ST8SIA1: variants seen among roughly 807,000 people sequenced by gnomAD.
The protein encoded by ST8SIA1 is alpha-N-acetylneuraminide alpha-2,8-sialyltransferase.
In ST8SIA1, 16 loss-of-function variants were observed where a neutral mutation model predicts 35.9. The ratio of observed to expected loss-of-function variants is 0.45; its 90% CI spans 0.30 to 0.68. The LOEUF is 0.68. ST8SIA1 is among the 30% of genes least tolerant of loss of function. ST8SIA1 has a pLI of 0.09. For synonymous variants in ST8SIA1, 170 were observed against 169.6 expected (o/e 1.00, Z -0.02); for missense variants, 383 against 453.6 (o/e 0.84, Z 1.41).
At chr12:22,258,337 A>G (rs1217419244) in intron 2 of ST8SIA1, among the ~76,000 whole-genome samples, 2 of 152,160 alleles carry the variant, frequency 1.3e-5, no homozygotes, top group Non-Finnish European at 2.9e-5. Context: ...GGAAGTGAAT[A>G]CATGACTATG....
At chr12:22,234,126 G>A (rs970170171) in intron 4 of ST8SIA1, among the ~76,000 whole-genome samples, 1 of 151,922 alleles carries the variant, frequency 6.6e-6, no homozygotes, top group African/African-American at 2.4e-5. Context: ...TGGGCGTGGT[G>A]GTGGGTGCCT....
intron 2 of ST8SIA1, among the ~76,000 whole-genome samples, chr12:22,283,246 T>C (rs1029389003): frequency 6.6e-6 from 1 of 152,184 alleles, no homozygotes; most frequent in African/African-American, 2.4e-5. Context: ...TGTAAGAGAA[T>C]GGACAGCCAA....
At chr12:22,254,001 T>C (rs989800644) in intron 3 of ST8SIA1, among the ~76,000 whole-genome samples, 1 of 152,160 alleles carries the variant, frequency 6.6e-6, no homozygotes, top group African/African-American at 2.4e-5. Flanking sequence ...GGCTACCTTT[T>C]TTCCACTCCT....
At chr12:22,323,626 C>A (rs1233689176) in intron 1 of ST8SIA1, among the ~76,000 whole-genome samples, 1 of 152,138 alleles carries the variant, frequency 6.6e-6, no homozygotes, top group African/African-American at 2.4e-5. Flanking sequence ...CAATGACAGA[C>A]TGGATAAAGA....
intron 1 of ST8SIA1, among the ~76,000 whole-genome samples, chr12:22,303,887 C>CA (rs1491346518): frequency 6.7e-6 from 1 of 149,934 alleles, no homozygotes. Flanking sequence ...CACACACACA[C>CA]AAAAGTGGTG....
At chr12:22,235,680 C>G (rs1477413975) in intron 4 of ST8SIA1, among the ~76,000 whole-genome samples, 3 of 152,174 alleles carry the variant, frequency 2.0e-5, no homozygotes, top group Non-Finnish European at 4.4e-5. Context: ...GCACAAATGC[C>G]TTGGCTGTAA....
chr12:22,310,822 A>G (rs1208397633), intron 1 of ST8SIA1, among the ~76,000 whole-genome samples: 2 of 152,174 alleles, frequency 1.3e-5, no homozygotes, highest in Non-Finnish European at 2.9e-5. Flanking sequence ...GCAACCCAAA[A>G]TGAATTGACT....
intron 2 of ST8SIA1, among the ~76,000 whole-genome samples, chr12:22,270,807 A>G (rs1345590646): frequency 1.3e-5 from 2 of 152,266 alleles, no homozygotes; most frequent in Non-Finnish European, 2.9e-5. Context: ...AAATTTACAC[A>G]AATTTTAAAG....
At chr12:22,307,767 C>A (rs1866403150) in intron 1 of ST8SIA1, among the ~76,000 whole-genome samples, 1 of 152,174 alleles carries the variant, frequency 6.6e-6, no homozygotes, top group Non-Finnish European at 1.5e-5. Context: ...CCACTATCTT[C>A]ATTCTTACAA....
At chr12:22,299,814 C>T (rs2135824156) in intron 1 of ST8SIA1, among the ~76,000 whole-genome samples, 1 of 152,198 alleles carries the variant, frequency 6.6e-6, no homozygotes, top group Non-Finnish European at 1.5e-5. Flanking sequence ...CCACAAAATA[C>T]TGACACTCTC....
chr12:22,234,885 G>T (rs1331567860), intron 4 of ST8SIA1, among the ~76,000 whole-genome samples: 1 of 152,160 alleles, frequency 6.6e-6, no homozygotes, highest in Admixed American at 6.5e-5. Flanking sequence ...AACCATGTGG[G>T]TAGCACTTCC....
At chr12:22,313,044 T>C (rs1193655497) in intron 1 of ST8SIA1, among the ~76,000 whole-genome samples, 2 of 152,156 alleles carry the variant, frequency 1.3e-5, no homozygotes, top group Non-Finnish European at 1.5e-5. Context: ...ATAAATGCGC[T>C]GGTAGAGTCC....
At chr12:22,298,569 T>TCTCTATATC (rs1213540591) in intron 1 of ST8SIA1, among the ~76,000 whole-genome samples, 1 of 152,230 alleles carries the variant, frequency 6.6e-6, no homozygotes, top group African/African-American at 2.4e-5. Context: ...CAATATTCTT[T>TCTCTATATC]CTCTATATCA....
At chr12:22,312,389 T>C (rs1301043946) in intron 1 of ST8SIA1, among the ~76,000 whole-genome samples, 1 of 152,162 alleles carries the variant, frequency 6.6e-6, no homozygotes, top group Non-Finnish European at 1.5e-5. Flanking sequence ...TTATTAAAAT[T>C]CAGTATTCAA....
chr12:22,219,767 T>C (rs1194397100), intron 4 of ST8SIA1, among the ~76,000 whole-genome samples: 1 of 152,172 alleles, frequency 6.6e-6, no homozygotes, highest in Non-Finnish European at 1.5e-5. Flanking sequence ...CACCTTGCAA[T>C]GACTACGTTA....
chr12:22,223,586 A>T lies in ST8SIA1; in HGVS notation c.585-21548T>A, dbSNP rs556715491. Reference sequence around the variant, plus strand: ...GGCCCATTTTTCAAGCCAGATTCTGATTCAAGCAGCATGAGTCTGGAGTGA... The same window carrying T: ...GGCCCATTTTTCAAGCCAGATTCTGTTTCAAGCAGCATGAGTCTGGAGTGA... On this transcript the variant is annotated intron_variant, in intron 4 of 4. Transcript: ENST00000396037. The T allele has an allele frequency of 2.8e-6, 3 of 1,057,292 alleles. No individual in the cohort carries two copies. The South Asian group carries it at 8.0e-5, about 28-fold the overall frequency. 65.5% of individuals were successfully genotyped at this position (1,057,292 alleles called of 1,614,324 possible). A position where few individuals can be genotyped will look rare whatever the true frequency, so the allele number is the denominator to read the frequency against.
chr12:22,273,335 G>A (rs142913270), intron 2 of ST8SIA1, among the ~76,000 whole-genome samples: 2 of 152,122 alleles, frequency 1.3e-5, no homozygotes, highest in African/African-American at 4.8e-5. Flanking sequence ...CCTTTGAGTG[G>A]CATCTTTGCT....
rs757925561 is a variant in ST8SIA1 at position 22,333,862 on chromosome 12, G to A, written c.236+135C>T. 1.0e-5 allele frequency: 9 copies of A among 869,106 alleles called. 1 individual carries two copies. In the South Asian group the frequency reaches 1.1e-4, roughly 10 times the overall value. 53.8% of individuals were successfully genotyped at this position (869,106 alleles called of 1,614,324 possible). ...CCAGGTTGGGAATGGCACAAATGGA[G>A]GGAAAGGACATGGAAGAGCGGATGA... is the stretch of plus-strand genomic sequence containing the variant. On this transcript the variant is annotated intron_variant, in intron 1 of 4. Transcript: ENST00000396037.
intron 4 of ST8SIA1, among the ~76,000 whole-genome samples, chr12:22,244,171 G>A (rs993371997): frequency 5.3e-5 from 8 of 152,134 alleles, no homozygotes; most frequent in African/African-American, 1.9e-4. Flanking sequence ...ACTATAAGTT[G>A]TATAGTCCTC....
Sources: gnomAD v4.1 joint callset for allele counts (sites outside exome capture counted in the v4.1 genomes callset) on GRCh38, gnomAD v4.1.1 for gene constraint, MANE v1.5 for transcripts, NCBI Gene and HGNC (gene_info 2026-07-23, HGNC 2026-07-21) for gene names.